The following RSL24D1 variants were observed in gnomAD, a reference collection of about 807,000 sequenced individuals.
RSL24D1 encodes ribosomal L24 domain containing 1, also known as probable ribosome biogenesis protein RLP24.
Under a neutral mutation model 26.2 loss-of-function variants are expected in RSL24D1, and 6 were observed. The ratio of observed to expected loss-of-function variants is 0.23; its 90% CI spans 0.13 to 0.45. The LOEUF (loss-of-function observed/expected upper bound fraction) is 0.45, where lower values mean the gene tolerates loss of function less well. RSL24D1 is among the 20% of genes least tolerant of loss of function. The probability of loss-of-function intolerance (pLI) is 0.99; values close to 1 mark genes in which losing one functional copy is unlikely to be tolerated. For synonymous variants in RSL24D1, 61 were observed against 59.1 expected, an observed-to-expected ratio of 1.03 and a Z score of -0.15; for missense variants, 176 against 202.6, an observed-to-expected ratio of 0.87 and a Z score of 0.80.
chr15:55,192,857 AGAAG>A, intron 1 of RSL24D1, 24 bp from the exon 2 acceptor site: 1 of 1,513,826 alleles, frequency 6.6e-7, no homozygotes, highest in Non-Finnish European at 9.2e-7. Flanking sequence ...TAAAATATTG[AGAAG>A]TCAACATTAA....
At chr15:55,194,265 A>T (rs1463560300) in intron 1 of RSL24D1, 1 of 152,242 alleles carries the variant, frequency 6.6e-6, no homozygotes, top group Non-Finnish European at 1.5e-5. Flanking sequence ...AGTGCTAAGG[A>T]TACAAGAACA....
intron 3 of RSL24D1, among the ~76,000 whole-genome samples, chr15:55,185,815 A>G (rs1440519072): frequency 6.6e-6 from 1 of 152,172 alleles, no homozygotes; most frequent in East Asian, 1.9e-4. Context: ...AACACTTAAA[A>G]GTGCCTGGGA....
chr15:55,184,017 A>C (rs1894198235), intron 4 of RSL24D1, among the ~76,000 whole-genome samples: 1 of 152,238 alleles, frequency 6.6e-6, no homozygotes, highest in African/African-American at 2.4e-5. Flanking sequence ...ACCATTGGGT[A>C]ATTACAAGAG....
At chr15:55,191,530 CA>C (rs1224099147) in intron 2 of RSL24D1, among the ~76,000 whole-genome samples, 1 of 151,664 alleles carries the variant, frequency 6.6e-6, no homozygotes, top group Non-Finnish European at 1.5e-5. Context: ...TATGTTATAG[CA>C]AAAAGGTATG....
chr15:55,195,085 T>G (rs1894340656), intron 1 of RSL24D1, among the ~76,000 whole-genome samples: 1 of 148,380 alleles, frequency 6.7e-6, no homozygotes, highest in Admixed American at 6.7e-5. Context: ...GAGCCTAATC[T>G]GAACTAGGAC....
intron 3 of RSL24D1, among the ~76,000 whole-genome samples, chr15:55,190,419 A>C (rs1013691668): frequency 1.3e-5 from 2 of 152,076 alleles, no homozygotes; most frequent in African/African-American, 4.8e-5. Flanking sequence ...CAAAACAAAA[A>C]AAACAAGAAC....
intron 1 of RSL24D1, among the ~76,000 whole-genome samples, chr15:55,193,463 T>C (rs892429025): frequency 6.6e-6 from 1 of 152,218 alleles, no homozygotes; most frequent in African/African-American, 2.4e-5. Flanking sequence ...TATTATTTTG[T>C]TACTTTGTAA....
intron 5 of RSL24D1, among the ~76,000 whole-genome samples, chr15:55,182,707 G>C (rs1422404893): frequency 6.6e-6 from 1 of 151,970 alleles, no homozygotes; most frequent in African/African-American, 2.4e-5. Flanking sequence ...TGCCTATTTT[G>C]TTTTAATAAA....
chr15:55,190,358 C>G (rs957465710), intron 3 of RSL24D1, among the ~76,000 whole-genome samples: 6 of 148,676 alleles, frequency 4.0e-5, no homozygotes, highest in Non-Finnish European at 8.9e-5. Context: ...ACATATGAGA[C>G]TTTTTTCATT....
At chr15:55,186,959 G>A (rs1894231000) in intron 3 of RSL24D1, among the ~76,000 whole-genome samples, 1 of 152,144 alleles carries the variant, frequency 6.6e-6, no homozygotes, top group African/African-American at 2.4e-5. Flanking sequence ...CATTCAGGGA[G>A]TCTGGATGAA....
At chr15:55,189,374 ACTC>A (rs1165415337) in intron 3 of RSL24D1, among the ~76,000 whole-genome samples, 3 of 151,842 alleles carry the variant, frequency 2.0e-5, no homozygotes, top group Non-Finnish European at 2.9e-5. Context: ...TCAGAAATTA[ACTC>A]CTCCTCTAAT....
chr15:55,194,136 T>A (rs1595654345), intron 1 of RSL24D1: 1 of 152,258 alleles, frequency 6.6e-6, no homozygotes, highest in African/African-American at 2.4e-5. Context: ...GTTGGTTCCT[T>A]AACTAATAGG....
chr15:55,189,659 T>C (rs1196287509), intron 3 of RSL24D1, among the ~76,000 whole-genome samples: 1 of 152,178 alleles, frequency 6.6e-6, no homozygotes. Context: ...GTATTTTCTG[T>C]GTGCCCCAAG....
At chr15:55,182,261 TTAAA>T in intron 5 of RSL24D1, 36 bp from the exon 6 acceptor site, 2 of 1,306,722 alleles carry the variant, frequency 1.5e-6, no homozygotes, top group South Asian at 2.4e-5. Flanking sequence ...AACAACTTAA[TTAAA>T]TGTGACCTTA....
chr15:55,183,736 T>C (rs951853414), intron 4 of RSL24D1, among the ~76,000 whole-genome samples: 1 of 152,192 alleles, frequency 6.6e-6, no homozygotes, highest in Non-Finnish European at 1.5e-5. Flanking sequence ...ATGTACATTT[T>C]CTTCTCTAAC....
intron 2 of RSL24D1, among the ~76,000 whole-genome samples, chr15:55,191,980 A>T (rs932676389): frequency 1.9e-4 from 29 of 152,338 alleles, no homozygotes; most frequent in African/African-American, 6.7e-4. Context: ...ATCTGGTCAA[A>T]CAATAGTCTT....
At chr15:55,193,305 AC>A (rs1894319384) in intron 1 of RSL24D1, among the ~76,000 whole-genome samples, 1 of 152,198 alleles carries the variant, frequency 6.6e-6, no homozygotes, top group South Asian at 2.1e-4. Context: ...CGACTTACTC[AC>A]AGATCTGCTA....
At chr15:55,188,256 A>G (rs1265190580) in intron 3 of RSL24D1, among the ~76,000 whole-genome samples, 1 of 152,238 alleles carries the variant, frequency 6.6e-6, no homozygotes, top group Non-Finnish European at 1.5e-5. Flanking sequence ...ACTTTTCTTA[A>G]TTGTATAAAA....
chr15:55,181,004 G>A lies in RSL24D1; in HGVS notation c.*1148C>T, dbSNP rs1894160147. 6.6e-6 allele frequency: 1 copy of A among 151,942 alleles called. No individual in the cohort carries two copies. Among genetic ancestry groups the A allele is most frequent in the African/African-American group, 2.4e-5 (1 of 41,346 alleles). 9.4% of individuals were successfully genotyped at this position (151,942 alleles called of 1,614,324 possible). A position where few individuals can be genotyped will look rare whatever the true frequency, so the allele number is the denominator to read the frequency against. The stretch of plus-strand genomic sequence containing the variant: ...CACTTGGTCCAGGGACTGGTCTACA[G>A]CCTTAGTTTTACTATCTAATACTGA... On this transcript the variant is annotated 3_prime_UTR_variant, in exon 6 of 6. Coordinates refer to ENST00000260443, the MANE Select transcript of RSL24D1 (RefSeq NM_016304.3).
Sources: allele counts gnomAD v4.1 joint callset (sites outside exome capture counted in the v4.1 genomes callset), GRCh38; gene constraint gnomAD v4.1.1; transcripts MANE v1.5; gene names NCBI Gene and HGNC (gene_info 2026-07-23, HGNC 2026-07-21).